The following ZNF469 variants were observed in gnomAD, a reference collection of about 807,000 sequenced individuals.
The protein encoded by ZNF469 is zinc finger protein 469.
ZNF469 carries 1 observed loss-of-function variant against 1.0 expected under a neutral mutation model. The observed-to-expected ratio is 1.00, with a 90% CI of 0.35 to 4.73. The LOEUF (loss-of-function observed/expected upper bound fraction) is 4.73, where lower values mean the gene tolerates loss of function less well. ZNF469 is among the 30% of genes most tolerant of loss of function. The pLI is 0.16. For synonymous variants in ZNF469, 2,703 were observed against 2,363.4 expected (o/e 1.14, Z -4.17); for missense variants, 6,100 against 5,356.3 (o/e 1.14, Z -4.33).
At chr16:88,206,414 A>C in the ZNF469 span, among the ~76,000 whole-genome samples, 9 of 152,132 alleles carry the variant, frequency 5.9e-5, no homozygotes, top group Non-Finnish European at 1.3e-4. Context: ...CAGATACCTC[A>C]GGTGTACTTC....
chr16:88,137,499 C>T, the ZNF469 span, among the ~76,000 whole-genome samples: 1,078 of 150,402 alleles, frequency 7.2e-3, 11 homozygotes, highest in African/African-American at 0.024. Flanking sequence ...CACATATGAC[C>T]GTGTGTGCAT....
chr16:88,116,488 A>T, the ZNF469 span, among the ~76,000 whole-genome samples: 1 of 152,238 alleles, frequency 6.6e-6, no homozygotes, highest in South Asian at 2.1e-4. Flanking sequence ...GTACAACCCC[A>T]CAATGACACT....
chr16:88,177,587 C>G, the ZNF469 span: 1 of 152,270 alleles, frequency 6.6e-6, no homozygotes, highest in Non-Finnish European at 1.5e-5. This position sits in a 1 kb window ranked among gnomAD's most constrained non-coding sequence, Gnocchi z 4.8. Flanking sequence ...AACCAGCAGA[C>G]CCTGCCTGTG....
At chr16:88,414,989 G>T (rs1418278927) in intron 1 of ZNF469, among the ~76,000 whole-genome samples, 1 of 152,196 alleles carries the variant, frequency 6.6e-6, no homozygotes, top group Non-Finnish European at 1.5e-5. Context: ...GGCCCAGGTA[G>T]CCTCGAGGAG....
the ZNF469 span, among the ~76,000 whole-genome samples, chr16:88,373,606 A>G: frequency 2.6e-5 from 4 of 152,328 alleles, no homozygotes; most frequent in Non-Finnish European, 5.9e-5. Flanking sequence ...TGGTGCCAAC[A>G]TTCTCAGATG....
At chr16:88,397,604 G>A (rs1904721399) in intron 1 of ZNF469, among the ~76,000 whole-genome samples, 1 of 147,556 alleles carries the variant, frequency 6.8e-6, no homozygotes. Context: ...ATATATGTGT[G>A]ATGGATGGAT....
At chr16:88,421,164 G>C (rs1342075394) in intron 1 of ZNF469, among the ~76,000 whole-genome samples, 1 of 151,350 alleles carries the variant, frequency 6.6e-6, no homozygotes, top group Non-Finnish European at 1.5e-5. Flanking sequence ...AGAAGCGTGG[G>C]GGCAGGAGCC....
chr16:88,301,852 C>T, the ZNF469 span, among the ~76,000 whole-genome samples: 28 of 152,190 alleles, frequency 1.8e-4, no homozygotes, highest in African/African-American at 5.8e-4. Context: ...GGCTCAGCAT[C>T]CCAGGCTGCA....
the ZNF469 span, among the ~76,000 whole-genome samples, chr16:88,231,728 G>A: frequency 6.6e-6 from 1 of 151,996 alleles, no homozygotes; most frequent in East Asian, 1.9e-4. The surrounding 1 kb of genome is among the most constrained non-coding windows in gnomAD (Gnocchi z 4.5). Context: ...CCTCTTCAAG[G>A]ACCCTGGGAT....
chr16:88,332,363 G>T, the ZNF469 span, among the ~76,000 whole-genome samples: 1 of 152,326 alleles, frequency 6.6e-6, no homozygotes, highest in South Asian at 2.1e-4. Context: ...CCTGAGGCCT[G>T]GAAGCACCCG....
chr16:88,175,663 C>G, the ZNF469 span, among the ~76,000 whole-genome samples: 3 of 152,316 alleles, frequency 2.0e-5, no homozygotes, highest in South Asian at 6.2e-4. Flanking sequence ...GAAATGCAAT[C>G]CATCACACTG....
At chr16:88,127,365 G>A in the ZNF469 span, among the ~76,000 whole-genome samples, 2 of 152,186 alleles carry the variant, frequency 1.3e-5, no homozygotes, top group African/African-American at 2.4e-5. Flanking sequence ...TGGCTTCCAG[G>A]ATCTCGCTAG....
chr16:88,148,989 TC>T, the ZNF469 span, among the ~76,000 whole-genome samples: 6 of 152,176 alleles, frequency 3.9e-5, no homozygotes, highest in African/African-American at 1.2e-4. Flanking sequence ...CCATATCACA[TC>T]CTCAAGGGTG....
the ZNF469 span, among the ~76,000 whole-genome samples, chr16:88,196,425 G>A: frequency 6.6e-6 from 1 of 152,200 alleles, no homozygotes; most frequent in Admixed American, 6.5e-5. Context: ...CATGGGAGGA[G>A]TCTGATAATA....
chr16:88,325,263 C>CG, the ZNF469 span, among the ~76,000 whole-genome samples: 32 of 151,724 alleles, frequency 2.1e-4, no homozygotes, highest in Admixed American at 3.3e-4. Context: ...TCCAGGTGGT[C>CG]CCTACAGGCT....
the ZNF469 span, among the ~76,000 whole-genome samples, chr16:88,206,229 G>T: frequency 1.3e-5 from 2 of 152,310 alleles, no homozygotes; most frequent in East Asian, 1.9e-4. Context: ...AGGCGGAAGG[G>T]CCAGGACTTC....
chr16:88,269,866 G>A, the ZNF469 span, among the ~76,000 whole-genome samples: 2 of 152,154 alleles, frequency 1.3e-5, no homozygotes, highest in Admixed American at 6.5e-5. Context: ...CTGACTTCCC[G>A]GCGTAGATGC....
the ZNF469 span, among the ~76,000 whole-genome samples, chr16:88,132,963 G>A: frequency 4.6e-5 from 7 of 152,374 alleles, no homozygotes; most frequent in East Asian, 7.7e-4. Flanking sequence ...GAGCCAAGGC[G>A]TGCCACTCCA....
rs766334275 is a variant in ZNF469 at position 88,428,235 on chromosome 16, G to C, written c.765G>C (p.Pro255=). ...GANFGVPPAE[P]EPIPKGSRPG... ...ATTTCGGGGTTCCCCCCGCCGAGCC[G>C]GAACCTATTCCCAAAGGCAGCAGGC... The change falls in exon 3 of 3, where the codon CCG becomes CCC. Residue 255 remains proline, a synonymous_variant. Coordinates refer to ENST00000565624, the MANE Select transcript of ZNF469 (RefSeq NM_001367624.2). 1.9e-6 allele frequency: 3 copies of C among 1,550,222 alleles called. No individual in the cohort carries two copies. The highest frequency in any genetic ancestry group is 1.4e-5 in the African/African-American group (1 of 73,046).
Sources: gnomAD v4.1 joint callset for allele counts (sites outside exome capture counted in the v4.1 genomes callset) on GRCh38, gnomAD v4.1.1 for gene constraint, Gnocchi (gnomAD v3.1) non-coding constraint, MANE v1.5 for transcripts, NCBI Gene and HGNC (gene_info 2026-07-23, HGNC 2026-07-21) for gene names.